The following B3GAT3 variants were observed in gnomAD, a reference collection of about 807,000 sequenced individuals.
B3GAT3 encodes the protein galactosylgalactosylxylosylprotein 3-beta-glucuronosyltransferase 3.
A neutral mutation model predicts 33.1 loss-of-function variants in B3GAT3; 19 were observed. The ratio of observed to expected loss-of-function variants is 0.57; its 90% confidence interval spans 0.40 to 0.84. B3GAT3 has a LOEUF of 0.84. B3GAT3 is among the 40% of genes least tolerant of loss of function. The pLI, the probability that B3GAT3 is intolerant of heterozygous loss-of-function variation, is 0.00. For missense variants in B3GAT3, 344 were observed against 441.5 expected, an observed-to-expected ratio of 0.78 and a Z score of 1.98; for synonymous variants, 167 against 193.5, an observed-to-expected ratio of 0.86 and a Z score of 1.14.
At position 62,616,591 on chromosome 11, in the gene B3GAT3, G is replaced by A; in HGVS notation, c.824C>T (p.Ala275Val). ...DKPNAQFDST[A>V]PRGHLESSLL... ...ACTGCTCTCCAGGTGGCCCCGGGGA[G>A]CGGTGGAATCAAATTGGGCATTGGG... The change falls in exon 4 of 5, where the codon GCT (alanine) becomes GTT (valine). Residue 275 changes from alanine to valine, a missense_variant. Coordinates refer to ENST00000265471, the MANE Select transcript of B3GAT3 (RefSeq NM_012200.4). The A allele has an allele frequency of 6.2e-7, 1 of 1,614,224 alleles. No individual in the cohort carries two copies. The highest frequency in any genetic ancestry group is 8.5e-7 in the Non-Finnish European group (1 of 1,180,040).
intron 2 of B3GAT3, chr11:62,617,558 G>A: frequency 3.0e-6 from 2 of 663,300 alleles, no homozygotes; most frequent in South Asian, 3.5e-5. Flanking sequence ...CTCAACTCCA[G>A]AGCTCAGGCT....
chr11:62,615,844 A>G (rs1222735901), intron 4 of B3GAT3, 45 bp from the exon 5 acceptor site: 2 of 1,604,360 alleles, frequency 1.2e-6, no homozygotes, highest in Non-Finnish European at 8.5e-7. Flanking sequence ...AGCTGCAGCC[A>G]GGCCTCTGGG....
intron 2 of B3GAT3, among the ~76,000 whole-genome samples, chr11:62,619,086 G>A (rs545914425): frequency 3.7e-4 from 56 of 152,126 alleles, no homozygotes; most frequent in African/African-American, 1.2e-3. Context: ...GGGAGGTGGA[G>A]GTTGCAGTGA....
chr11:62,621,853 C>A lies in B3GAT3; in HGVS notation c.82+13G>T, dbSNP rs1288315000. 6.2e-7 allele frequency: 1 copy of A among 1,609,004 alleles called. No homozygotes were observed. ...CGGGCCAGCCCGCCGCACCCCCGCC[C>A]CGCCCCGCTCACCGAGCTGTACCAG... is the stretch of plus-strand genomic sequence containing the variant. On this transcript the variant is annotated intron_variant, in intron 1 of 4. Transcript: ENST00000265471.
Position 62,616,598 on chromosome 11 carries a change from A to G in B3GAT3, c.817T>C (p.Ser273Pro). ...LLDKPNAQFDSTAPRGHLESS... is the reference protein window; with the variant it reads ...LLDKPNAQFDPTAPRGHLESS... ...TCCAGGTGGCCCCGGGGAGCGGTGGAATCAAATTGGGCATTGGGCTTATCT... is the reference window on the plus strand; with the variant it reads ...TCCAGGTGGCCCCGGGGAGCGGTGGGATCAAATTGGGCATTGGGCTTATCT... Residue 273 changes from serine (S) to proline (P), a missense_variant, in exon 4 of 5, where the codon TCC (serine) becomes CCC (proline). Physicochemically the swap from Ser to Pro is moderately conservative, Grantham distance 74. Transcript: ENST00000265471. 15 of 1,614,172 alleles carry G rather than the reference A, an allele frequency of 9.3e-6. No homozygotes were observed. Among genetic ancestry groups the G allele is most frequent in the Non-Finnish European group, 1.2e-5 (14 of 1,180,024 alleles).
At chr11:62,616,242 TGAAAAAA>T in intron 4 of B3GAT3, 2 of 472,690 alleles carry the variant, frequency 4.2e-6, no homozygotes, top group Non-Finnish European at 7.6e-6. Flanking sequence ...AGACTCTGTC[TGAAAAAA>T]AAAAAAAAAC....
chr11:62,617,626 A>C (rs1415185127), intron 2 of B3GAT3, among the ~76,000 whole-genome samples: 2 of 150,552 alleles, frequency 1.3e-5, no homozygotes, highest in South Asian at 2.1e-4. Context: ...ACCTATAATA[A>C]CACTTTGGGA....
At chr11:62,617,893 A>G (rs1391476552) in intron 2 of B3GAT3, among the ~76,000 whole-genome samples, 1 of 147,766 alleles carries the variant, frequency 6.8e-6, no homozygotes. Context: ...AAAAAAAAAA[A>G]GGCCGGGCAT....
chr11:62,621,763 G>A, intron 1 of B3GAT3, 103 bp downstream of exon 1: 10 of 1,264,212 alleles, frequency 7.9e-6, no homozygotes, highest in Non-Finnish European at 1.1e-5. Context: ...CCGGAGGGCC[G>A]AGCGGATGAA....
chr11:62,616,371 TAG>T, intron 4 of B3GAT3, 133 bp downstream of exon 4: 1 of 1,313,484 alleles, frequency 7.6e-7, no homozygotes, highest in Non-Finnish European at 1.1e-6. Context: ...TCCCCTTCAG[TAG>T]AGTCAGCAAG....
In B3GAT3 at chr11:62,616,612, T is replaced by C. The variant is rs372593851; in HGVS notation, c.803A>G (p.Asn268Ser). The C allele has an allele frequency of 1.2e-4, 193 of 1,614,076 alleles. No homozygotes were observed. The highest frequency in any genetic ancestry group is 1.4e-4 in the Non-Finnish European group (162 of 1,180,040). The change falls in exon 4 of 5, where the codon AAT becomes AGT. Residue 268 changes from asparagine (N) to serine (S), a missense_variant. By Grantham distance (46) the Asn-to-Ser change is conservative. Transcript: ENST00000265471. The part of the protein sequence containing the change: ...VALPLLLDKP[N>S]AQFDSTAPRG... ...GGGAGCGGTGGAATCAAATTGGGCA[T>C]TGGGCTTATCTAACAGCAAGGGCAG...
chr11:62,619,824 G>A (rs1590778821), intron 2 of B3GAT3, among the ~76,000 whole-genome samples: 1 of 143,768 alleles, frequency 7.0e-6, no homozygotes, highest in Non-Finnish European at 1.5e-5. Flanking sequence ...GATTACAGGC[G>A]TGAGCCACTG....
intron 2 of B3GAT3, among the ~76,000 whole-genome samples, chr11:62,619,699 CTTTTTTTTT>C (rs5792264): frequency 4.1e-4 from 35 of 85,706 alleles, no homozygotes; most frequent in Middle Eastern, 9.6e-3. Context: ...GCCTAGCTAA[CTTTTTTTTT>C]TTTTTTTTTT....
chr11:62,621,799 AGGGCGGGATGCACGGCGGC>A, intron 1 of B3GAT3, 48 bp downstream of exon 1: 1 of 1,322,588 alleles, frequency 7.6e-7, no homozygotes, highest in Non-Finnish European at 1.0e-6. Context: ...GTTCATCCCC[AGGGCGGGATGCACGGCGGC>A]GGGCGCCCTC....
intron 1 of B3GAT3, among the ~76,000 whole-genome samples, chr11:62,620,878 T>A (rs1943132301): frequency 6.6e-6 from 1 of 152,236 alleles, no homozygotes; most frequent in Non-Finnish European, 1.5e-5. Flanking sequence ...ATAAATTCCA[T>A]TGTTACAATT....
chr11:62,621,170 GATAA>G, intron 1 of B3GAT3: 1 of 456,826 alleles, frequency 2.2e-6, no homozygotes, highest in Non-Finnish European at 4.4e-6. Flanking sequence ...TCCATCGTAG[GATAA>G]ATATTTATTG....
At chr11:62,616,370 G>A (rs1369033764) in intron 4 of B3GAT3, 136 bp downstream of exon 4, 27 of 1,308,016 alleles carry the variant, frequency 2.1e-5, no homozygotes, top group African/African-American at 2.9e-5. Flanking sequence ...TTCCCCTTCA[G>A]TAGAGTCAGC....
At position 62,621,290 on chromosome 11, in the gene B3GAT3, GACACTAAGCAA is replaced by G. The variant is rs568477555; in HGVS notation, c.82+565_82+575del. Reference sequence around the variant, plus strand: ...AGCTTTCTGTTTAGTGGAGGAAGCAGACACTAAGCAAAGAAACAAATTAATAACATTATTAC... The same window carrying G: ...AGCTTTCTGTTTAGTGGAGGAAGCAGAGAAACAAATTAATAACATTATTAC... On this transcript the variant is annotated intron_variant, in intron 1 of 4. Coordinates refer to ENST00000265471, the MANE Select transcript of B3GAT3 (RefSeq NM_012200.4). 3.5e-4 allele frequency: 160 copies of G among 456,618 alleles called. No individual in the cohort carries two copies. The East Asian group carries it at 0.01, about 30-fold the overall frequency. The allele number at this position is 456,618 out of a possible 1,614,324, so 28.3% of individuals were successfully genotyped here.
intron 3 of B3GAT3, 26 bp from the exon 4 acceptor site, chr11:62,616,822 CAG>C (rs766427267): frequency 5.0e-6 from 8 of 1,613,728 alleles, no homozygotes; most frequent in East Asian, 4.5e-5. Flanking sequence ...AGAGAAGAAA[CAG>C]AGGGGTGGTC....
Sources: gnomAD v4.1 joint callset for allele counts (sites outside exome capture counted in the v4.1 genomes callset) on GRCh38, gnomAD v4.1.1 for gene constraint, MANE v1.5 for transcripts, NCBI Gene and HGNC (gene_info 2026-07-23, HGNC 2026-07-21) for gene names.